The following BSDC1 variants were observed in gnomAD, a reference collection of about 807,000 sequenced individuals.
BSDC1 encodes the protein BSD domain-containing protein 1.
A neutral mutation model predicts 56.0 loss-of-function variants in BSDC1; 29 were observed. The ratio of observed to expected loss-of-function variants is 0.52; its 90% CI spans 0.39 to 0.71. The LOEUF is 0.71. Ranked by LOEUF, BSDC1 falls within the 30% of genes least tolerant of loss-of-function variation. The pLI is 0.00. For missense variants in BSDC1, 477 were observed against 548.5 expected (o/e 0.87, Z 1.30); for synonymous variants, 210 against 215.3 (o/e 0.98, Z 0.21).
chr1:32,375,149 C>CA lies in BSDC1; in HGVS notation c.1156+1112dup, dbSNP rs1029480585. ...CCTAGGCGACAGTGAGACTCCGCCTCAAAAAAAAAACAATAAAAACCAGGT... is the reference window on the plus strand; with the variant it reads ...CCTAGGCGACAGTGAGACTCCGCCTCAAAAAAAAAAACAATAAAAACCAGGT... On this transcript the variant is annotated intron_variant, in intron 9 of 10. Coordinates refer to ENST00000455895, the MANE Select transcript of BSDC1 (RefSeq NM_018045.8). Among the ~76,000 whole-genome samples the CA allele has an allele frequency of 3.5e-3, 502 of 143,500 alleles. 1 individual carries two copies. The highest frequency in any genetic ancestry group is 6.9e-3 in the African/African-American group (269 of 39,018). 94.1% of individuals were successfully genotyped at this position (143,500 alleles called of 152,430 possible).
In BSDC1 at chr1:32,366,513, G is replaced by C. The variant is rs1641855800; in HGVS notation, c.*109C>G. The C allele has an allele frequency of 9.2e-7, 1 of 1,087,186 alleles. No individual in the cohort carries two copies. The highest frequency in any genetic ancestry group is 2.0e-5 in the Admixed American group (1 of 50,412). The allele number at this position is 1,087,186 out of a possible 1,614,324, so 67.3% of individuals were successfully genotyped here. A position where few individuals can be genotyped will look rare whatever the true frequency, so the allele number is the denominator to read the frequency against. On this transcript the variant is annotated 3_prime_UTR_variant, in exon 11 of 11. Coordinates refer to ENST00000455895, the MANE Select transcript of BSDC1 (RefSeq NM_018045.8). Reference sequence around the variant, plus strand: ...ACCAGAATCTGTGCCCAGAGCTCTGGTTGGCAGAGGAGATTTGGGGGAACA... The same window carrying C: ...ACCAGAATCTGTGCCCAGAGCTCTGCTTGGCAGAGGAGATTTGGGGGAACA...
At chr1:32,393,893 C>G in intron 2 of BSDC1, 187 bp downstream of exon 2, 1 of 591,684 alleles carries the variant, frequency 1.7e-6, no homozygotes, top group Non-Finnish European at 3.0e-6. Flanking sequence ...TTCACTGTGG[C>G]TAGTATCACA....
chr1:32,364,657 T>C lies in BSDC1; in HGVS notation c.*1965A>G, dbSNP rs1204960037. On this transcript the variant is annotated 3_prime_UTR_variant, in exon 11 of 11. Transcript: ENST00000455895. ...TTTCACCATGTTGGCCAGGCTGGTCTGGAACTCCTGACCTTAGTGATCCAC... is the reference window on the plus strand; with the variant it reads ...TTTCACCATGTTGGCCAGGCTGGTCCGGAACTCCTGACCTTAGTGATCCAC... Among the ~76,000 whole-genome samples, 1 of 152,202 alleles carries C rather than the reference T, an allele frequency of 6.6e-6. No individual in the cohort carries two copies. Among genetic ancestry groups the C allele is most frequent in the East Asian group, 1.9e-4 (1 of 5,194 alleles).
intron 10 of BSDC1, chr1:32,366,889 C>G: frequency 8.0e-7 from 1 of 1,249,284 alleles, no homozygotes; most frequent in Non-Finnish European, 1.0e-6. Context: ...AAAGGAAACA[C>G]TTCCCCCAAC....
In BSDC1 at chr1:32,386,250, C is replaced by G. The variant is rs548137397; in HGVS notation, c.189+529G>C. 2.8e-3 allele frequency among the ~76,000 whole-genome samples: 397 copies of G among 143,186 alleles called. 5 individuals carry two copies. The highest frequency in any genetic ancestry group is 9.7e-3 in the African/African-American group (378 of 38,810). The allele number at this position is 143,186 out of a possible 152,430, so 93.9% of individuals were successfully genotyped here. ...AGGAGAATAGCATGAACCCGGGAGG[C>G]GGAGCTTGCAGTGAGCCGAGATGGC... On this transcript the variant is annotated intron_variant, in intron 3 of 10. Transcript: ENST00000455895.
chr1:32,369,369 T>G (rs1050759804), intron 9 of BSDC1: 1 of 1,155,292 alleles, frequency 8.7e-7, no homozygotes, highest in Non-Finnish European at 1.1e-6. Flanking sequence ...TAGCCAGGCA[T>G]GGTAGTACAC....
chr1:32,393,979 A>G (rs1642958235), intron 2 of BSDC1, 101 bp downstream of exon 2: 2 of 1,232,452 alleles, frequency 1.6e-6, no homozygotes, highest in African/African-American at 3.0e-5. Context: ...CTCATCCTTG[A>G]GACTTAGCGC....
rs552894786 is a variant in BSDC1 at position 32,368,121 on chromosome 1, C to A, written c.1260+326G>T. 54 of 1,395,354 alleles carry A rather than the reference C, an allele frequency of 3.9e-5. No individual in the cohort carries two copies. The African/African-American group carries it at 7.2e-4, about 19-fold the overall frequency. The allele number at this position is 1,395,354 out of a possible 1,614,324, so 86.4% of individuals were successfully genotyped here. On this transcript the variant is annotated intron_variant, in intron 10 of 10. Transcript: ENST00000455895. The stretch of plus-strand genomic sequence containing the variant: ...TCCTCGCCTCAAGCAATCCTCCCAC[C>A]TTGGCCTCCCAAAGTGTTGGGATTA...
At chr1:32,390,654 T>C (rs1339862342) in intron 2 of BSDC1, among the ~76,000 whole-genome samples, 1 of 152,190 alleles carries the variant, frequency 6.6e-6, no homozygotes, top group Non-Finnish European at 1.5e-5. Context: ...CTCATGCCTG[T>C]AGTCCCAGCA....
intron 5 of BSDC1, among the ~76,000 whole-genome samples, chr1:32,380,938 A>T (rs985954669): frequency 1.3e-5 from 2 of 152,034 alleles, no homozygotes; most frequent in African/African-American, 4.8e-5. Flanking sequence ...AGCTGAAGAG[A>T]AGGCAAGGGG....
At chr1:32,373,937 TACA>T (rs1370454043) in intron 9 of BSDC1, among the ~76,000 whole-genome samples, 3 of 152,116 alleles carry the variant, frequency 2.0e-5, no homozygotes, top group Non-Finnish European at 2.9e-5. Flanking sequence ...TGAACAAAAA[TACA>T]ACATGTTGAT....
chr1:32,392,058 G>A (rs1014012701), intron 2 of BSDC1, among the ~76,000 whole-genome samples: 23 of 152,198 alleles, frequency 1.5e-4, no homozygotes, highest in Non-Finnish European at 1.2e-4. Context: ...GAGGCCAGGC[G>A]TGGTGGCTCA....
rs541079058 is a variant in BSDC1 at position 32,373,238 on chromosome 1, T to C, written c.1156+3024A>G. Among the ~76,000 whole-genome samples, 3 of 152,302 alleles carry C rather than the reference T, an allele frequency of 2.0e-5. No homozygotes were observed. In the East Asian group the frequency reaches 5.8e-4, roughly 29 times the overall value. ...CCCACCTGACTACGGTTGTTTCTTG[T>C]GAGTCTTCTATAGCACATCCTCAGC... is the stretch of plus-strand genomic sequence containing the variant. On this transcript the variant is annotated intron_variant, in intron 9 of 10. Transcript: ENST00000455895.
At chr1:32,382,867 CAAAAAAAAAAAA>C (rs760141230) in intron 4 of BSDC1, among the ~76,000 whole-genome samples, 2 of 47,106 alleles carry the variant, frequency 4.2e-5, no homozygotes, top group Non-Finnish European at 8.8e-5. Context: ...GAGACCGTCT[CAAAAAAAAAAAA>C]AAAAAAAAAA....
At chr1:32,382,728 G>A (rs1294639994) in intron 4 of BSDC1, among the ~76,000 whole-genome samples, 1 of 150,560 alleles carries the variant, frequency 6.6e-6, no homozygotes, top group Non-Finnish European at 1.5e-5. Context: ...AGGTGTGGTG[G>A]TGCACGCCTG....
chr1:32,386,215 AG>A (rs2148136374), intron 3 of BSDC1, among the ~76,000 whole-genome samples: 1 of 149,574 alleles, frequency 6.7e-6, no homozygotes, highest in Non-Finnish European at 1.5e-5. Flanking sequence ...GCTACTTGGG[AG>A]GCTGAGGCAG....
At position 32,378,738 on chromosome 1, in the gene BSDC1, G is replaced by C. The variant is rs763875197; in HGVS notation, c.514C>G (p.Leu172Val). 1 of 1,523,040 alleles carries C rather than the reference G, an allele frequency of 6.6e-7. No homozygotes were observed. 94.3% of individuals were successfully genotyped at this position (1,523,040 alleles called of 1,614,324 possible). A position where few individuals can be genotyped will look rare whatever the true frequency, so the allele number is the denominator to read the frequency against. Residue 172 changes from leucine (L) to valine (V), a missense_variant, in exon 6 of 11, where the codon CTC becomes GTC. By Grantham distance (32) the Leu-to-Val change is conservative (BLOSUM62 1). Transcript: ENST00000455895. This position sits in a 1 kb window ranked among gnomAD's most constrained non-coding sequence, Gnocchi z 5.2. ...TGGGCCCTCACCATCTTGGTGTAGA[G>C]GGCCCGGATGGAGGGGCTGCCTACA... The part of the protein sequence containing the change: ...LLVGSPSIRA[L>V]YTKMVPAAVS...
At chr1:32,382,688 T>A in intron 4 of BSDC1, among the ~76,000 whole-genome samples, 1 of 135,610 alleles carries the variant, frequency 7.4e-6, no homozygotes. Flanking sequence ...TAGGGAGACC[T>A]CATCGCTACA....
intron 9 of BSDC1, 29 bp from the exon 10 acceptor site, chr1:32,368,579 C>G: frequency 6.2e-7 from 1 of 1,613,154 alleles, no homozygotes; most frequent in Non-Finnish European, 8.5e-7. Flanking sequence ...GTGTGAAAAG[C>G]AGGAGGAGGC....
Sources: allele counts gnomAD v4.1 joint callset (sites outside exome capture counted in the v4.1 genomes callset), GRCh38; gene constraint gnomAD v4.1.1; non-coding constraint Gnocchi (gnomAD v3.1); transcripts MANE v1.5; gene names NCBI Gene and HGNC (gene_info 2026-07-23, HGNC 2026-07-21).